ARHGAP15: variants seen among roughly 807,000 people sequenced by gnomAD.
ARHGAP15 encodes rho GTPase-activating protein 15.
In ARHGAP15, 51 loss-of-function variants were observed where a neutral mutation model predicts 63.7. That is an observed-to-expected ratio of 0.80 (90% CI 0.64 to 1.01). ARHGAP15 has a LOEUF of 1.01. ARHGAP15 is among the 50% of genes least tolerant of loss of function. The pLI is 0.00. For missense variants in ARHGAP15, 560 were observed against 564.6 expected (o/e 0.99, Z 0.08); for synonymous variants, 191 against 193.8 (o/e 0.99, Z 0.12).
At chr2:143,622,845 C>T (rs1175665997) in intron 11 of ARHGAP15, among the ~76,000 whole-genome samples, 1 of 145,720 alleles carries the variant, frequency 6.9e-6, no homozygotes, top group African/African-American at 2.6e-5. Context: ...TTTAAAAGGA[C>T]GTGAACATTA....
At chr2:143,591,683 C>T (rs1300652774) in intron 11 of ARHGAP15, among the ~76,000 whole-genome samples, 1 of 150,110 alleles carries the variant, frequency 6.7e-6, no homozygotes. Context: ...TGCAATGGCA[C>T]GATCTCGGCT....
intron 12 of ARHGAP15, among the ~76,000 whole-genome samples, chr2:143,685,426 GA>G (rs1162957801): frequency 6.6e-6 from 1 of 152,126 alleles, no homozygotes; most frequent in African/African-American, 2.4e-5. Flanking sequence ...GCCAAATAAT[GA>G]AAACATAGCT....
chr2:143,527,181 T>C (rs1434602344), intron 10 of ARHGAP15, among the ~76,000 whole-genome samples: 1 of 152,060 alleles, frequency 6.6e-6, no homozygotes, highest in South Asian at 2.1e-4. Context: ...CATTAATCAA[T>C]TAGTCTACAC....
In ARHGAP15 at chr2:143,252,670, G is replaced by A. The variant is rs538749783; in HGVS notation, c.474+2070G>A. 1.2e-4 allele frequency among the ~76,000 whole-genome samples: 18 copies of A among 151,934 alleles called. 1 individual carries two copies. The South Asian group carries it at 1.7e-3, about 14-fold the overall frequency. The stretch of plus-strand genomic sequence containing the variant: ...GAGTGAATCCCTTGGTTTCCTTGTC[G>A]TGCTGAAATCTTTTCATCACCTAAA... On this transcript the variant is annotated intron_variant, in intron 6 of 13. Transcript: ENST00000295095.
At chr2:143,737,035 A>G (rs117186936) in intron 13 of ARHGAP15, among the ~76,000 whole-genome samples, 1 of 152,388 alleles carries the variant, frequency 6.6e-6, no homozygotes, top group Non-Finnish European at 1.5e-5. Flanking sequence ...ATTAAATTAC[A>G]TAATTACAAT....
chr2:143,548,577 C>G (rs554724201), intron 10 of ARHGAP15, among the ~76,000 whole-genome samples: 148 of 151,566 alleles, frequency 9.8e-4, no homozygotes, highest in African/African-American at 3.6e-3. Context: ...AAAATTACAA[C>G]AAATATTTAT....
At chr2:143,137,908 T>G (rs1689210296) in intron 1 of ARHGAP15, among the ~76,000 whole-genome samples, 1 of 152,064 alleles carries the variant, frequency 6.6e-6, no homozygotes, top group Non-Finnish European at 1.5e-5. Flanking sequence ...CTAAATGCAC[T>G]GGGGAAATCA....
intron 6 of ARHGAP15, among the ~76,000 whole-genome samples, chr2:143,315,171 A>G (rs1265328055): frequency 6.6e-6 from 1 of 152,182 alleles, no homozygotes; most frequent in Non-Finnish European, 1.5e-5. Context: ...TTAACATATC[A>G]GCCTTTCATA....
At chr2:143,194,670 C>T (rs1691818185) in intron 2 of ARHGAP15, among the ~76,000 whole-genome samples, 1 of 151,048 alleles carries the variant, frequency 6.6e-6, no homozygotes, top group Non-Finnish European at 1.5e-5. Flanking sequence ...TGTGGTATGT[C>T]CAGGTTCCAT....
intron 3 of ARHGAP15, 137 bp from the exon 4 acceptor site, chr2:143,216,247 G>A: frequency 1.6e-6 from 1 of 609,380 alleles, no homozygotes; most frequent in Non-Finnish European, 2.9e-6. Flanking sequence ...CTTCCCATAA[G>A]CTATATATGC....
intron 6 of ARHGAP15, among the ~76,000 whole-genome samples, chr2:143,302,756 C>A (rs570797110): frequency 6.6e-6 from 1 of 151,962 alleles, no homozygotes; most frequent in Admixed American, 6.6e-5. Flanking sequence ...TCCTGCCTCA[C>A]AAAATGATCC....
chr2:143,542,415 A>G (rs142730680), intron 10 of ARHGAP15, among the ~76,000 whole-genome samples: 3 of 151,958 alleles, frequency 2.0e-5, no homozygotes, highest in Non-Finnish European at 4.4e-5. Flanking sequence ...CCCCAGTGAG[A>G]TGAACCTGGT....
At chr2:143,529,895 T>C (rs950020005) in intron 10 of ARHGAP15, among the ~76,000 whole-genome samples, 1 of 152,190 alleles carries the variant, frequency 6.6e-6, no homozygotes, top group African/African-American at 2.4e-5. Flanking sequence ...ATGGCTTGTT[T>C]CATTATCTGT....
intron 6 of ARHGAP15, among the ~76,000 whole-genome samples, chr2:143,351,577 T>G (rs1333681192): frequency 6.6e-6 from 1 of 152,206 alleles, no homozygotes; most frequent in Admixed American, 6.5e-5. Flanking sequence ...TTGGGTCCAT[T>G]TCTTCTACAA....
intron 12 of ARHGAP15, among the ~76,000 whole-genome samples, chr2:143,698,530 G>A (rs1046746002): frequency 1.3e-5 from 2 of 151,956 alleles, no homozygotes; most frequent in African/African-American, 4.8e-5. Flanking sequence ...ACAACAATGA[G>A]TTTGATGTAG....
At chr2:143,329,649 T>G (rs1206192220) in intron 6 of ARHGAP15, among the ~76,000 whole-genome samples, 1 of 152,166 alleles carries the variant, frequency 6.6e-6, no homozygotes, top group East Asian at 1.9e-4. Context: ...GCTGTTAAAT[T>G]GGTGGCAATT....
At chr2:143,483,686 C>CT (rs1692182636) in intron 8 of ARHGAP15, among the ~76,000 whole-genome samples, 1 of 152,172 alleles carries the variant, frequency 6.6e-6, no homozygotes, top group Non-Finnish European at 1.5e-5. Flanking sequence ...ATGACTGGAC[C>CT]TAGAAGGAAA....
intron 12 of ARHGAP15, among the ~76,000 whole-genome samples, chr2:143,642,416 T>G (rs1680647768): frequency 6.6e-6 from 1 of 152,100 alleles, no homozygotes; most frequent in South Asian, 2.1e-4. Flanking sequence ...TCATTATGCC[T>G]AGGGTAAGTT....
At chr2:143,135,087 T>C (rs1010241574) in intron 1 of ARHGAP15, among the ~76,000 whole-genome samples, 14 of 152,192 alleles carry the variant, frequency 9.2e-5, no homozygotes, top group South Asian at 2.1e-4. Context: ...GTATAATCAC[T>C]GGCTCAAGTA....
Sources: allele counts gnomAD v4.1 joint callset (sites outside exome capture counted in the v4.1 genomes callset), GRCh38; gene constraint gnomAD v4.1.1; transcripts MANE v1.5; gene names NCBI Gene and HGNC (gene_info 2026-07-23, HGNC 2026-07-21).